CCDC12: variants seen among roughly 807,000 people sequenced by gnomAD.
CCDC12 encodes the protein coiled-coil domain-containing protein 12.
A neutral mutation model predicts 25.7 loss-of-function variants in CCDC12; 28 were observed. That is an observed-to-expected ratio of 1.09 (90% CI 0.81 to 1.50). CCDC12 has a LOEUF of 1.50. Among genes scored for constraint, CCDC12 ranks in the 40% most tolerant of loss-of-function variants. The pLI is 0.00. For synonymous variants in CCDC12, 75 were observed against 87.7 expected, an observed-to-expected ratio of 0.86 and a Z score of 0.81; for missense variants, 198 against 210.0, an observed-to-expected ratio of 0.94 and a Z score of 0.35.
chr3:46,953,594 G>A (rs1480744744), intron 1 of CCDC12, among the ~76,000 whole-genome samples: 2 of 151,598 alleles, frequency 1.3e-5, no homozygotes, highest in African/African-American at 4.9e-5. Flanking sequence ...AACCATGGCT[G>A]GCACTCAGGC....
Position 46,937,824 on chromosome 3 carries a change from A to G in CCDC12, c.164+3174T>C, listed in dbSNP as rs572496774. Among the ~76,000 whole-genome samples the G allele has an allele frequency of 3.3e-5, 5 of 152,326 alleles. No homozygotes were observed. The East Asian group carries it at 7.7e-4, about 24-fold the overall frequency. The stretch of plus-strand genomic sequence containing the variant: ...GGTCTGGCCCTGTGTTAGGCAACCA[A>G]TGTTCTAATCTGCCTTCCTAAATAA... On this transcript the variant is annotated intron_variant, in intron 2 of 6. Coordinates refer to ENST00000683445, the MANE Select transcript of CCDC12 (RefSeq NM_001277074.2).
At chr3:46,922,421 T>C in intron 5 of CCDC12, 109 bp from the exon 6 acceptor site, 1 of 1,205,346 alleles carries the variant, frequency 8.3e-7, no homozygotes, top group South Asian at 1.2e-5. Context: ...GCTCGGTTGC[T>C]GGAGGGGGCT....
At chr3:46,966,756 AG>A (rs1232574679) in intron 1 of CCDC12, among the ~76,000 whole-genome samples, 1 of 152,122 alleles carries the variant, frequency 6.6e-6, no homozygotes, top group African/African-American at 2.4e-5. Flanking sequence ...CTTAATTTAC[AG>A]GAAGGCTTTG....
chr3:46,940,838 G>A, intron 2 of CCDC12, 160 bp downstream of exon 2: 1 of 675,258 alleles, frequency 1.5e-6, no homozygotes, highest in Non-Finnish European at 2.7e-6. Flanking sequence ...AGGGCCTTCT[G>A]AGATGTTGAG....
chr3:46,951,432 T>C (rs1335442273), intron 1 of CCDC12, among the ~76,000 whole-genome samples: 1 of 151,974 alleles, frequency 6.6e-6, no homozygotes, highest in East Asian at 1.9e-4. Context: ...TGTAGAAACA[T>C]CACGTTGTAC....
At chr3:46,958,354 A>T (rs1360958506) in intron 1 of CCDC12, among the ~76,000 whole-genome samples, 1 of 152,206 alleles carries the variant, frequency 6.6e-6, no homozygotes, top group African/African-American at 2.4e-5. Flanking sequence ...AGACTAGAAG[A>T]AGTTAATCAT....
chr3:46,935,400 A>C (rs1345988457), intron 2 of CCDC12, among the ~76,000 whole-genome samples: 1 of 152,082 alleles, frequency 6.6e-6, no homozygotes, highest in Non-Finnish European at 1.5e-5. Context: ...CATCCATCCC[A>C]CAAGGCAGGG....
intron 1 of CCDC12, among the ~76,000 whole-genome samples, chr3:46,968,178 G>T (rs2034694032): frequency 1.3e-5 from 2 of 152,104 alleles, no homozygotes; most frequent in Admixed American, 6.5e-5. Flanking sequence ...TGAGAGCTTG[G>T]GCAGAAAAGC....
At chr3:46,944,700 C>T (rs1038880871) in intron 1 of CCDC12, among the ~76,000 whole-genome samples, 1 of 152,048 alleles carries the variant, frequency 6.6e-6, no homozygotes, top group Admixed American at 6.6e-5. Flanking sequence ...GCCTTCCCCT[C>T]TACTCTGGAG....
At chr3:46,957,688 T>C (rs572252682) in intron 1 of CCDC12, among the ~76,000 whole-genome samples, 75 of 152,254 alleles carry the variant, frequency 4.9e-4, no homozygotes, top group Admixed American at 2.7e-3. Context: ...ATGCCTGTAA[T>C]CCCAGCACTT....
At chr3:46,949,455 C>A (rs778164567) in intron 1 of CCDC12, among the ~76,000 whole-genome samples, 1 of 152,192 alleles carries the variant, frequency 6.6e-6, no homozygotes, top group East Asian at 1.9e-4. Context: ...CCAGACTGGA[C>A]GAGTTCCTCT....
chr3:46,922,068 C>T lies in CCDC12; in HGVS notation c.490G>A (p.Asp164Asn), dbSNP rs770776994. The change falls in exon 7 of 7, where the codon GAC (aspartate) becomes AAC (asparagine). Residue 164 changes from aspartate to asparagine, a missense_variant. Transcript: ENST00000683445. Reference protein sequence around the residue: ...VDAATEQKTCDSD With the variant: ...VDAATEQKTCNSD The stretch of plus-strand genomic sequence containing the variant: ...GGGCAGGGCATGCCTCAGTCGGAGT[C>T]ACAGGTCTTTTGTTCGGTGGCAGCA... 6.2e-7 allele frequency: 1 copy of T among 1,614,102 alleles called. No homozygotes were observed. Among genetic ancestry groups the T allele is most frequent in the East Asian group, 2.2e-5 (1 of 44,890 alleles).
upstream of CCDC12, chr3:46,979,840 AGGGCCGGAGCC>A: frequency 2.3e-6 from 1 of 430,156 alleles, no homozygotes; most frequent in Middle Eastern, 6.1e-4. Context: ...GGCGCGCAGC[AGGGCCGGAGCC>A]GGGCCGGGCC....
chr3:46,929,705 T>C (rs2033125205), intron 2 of CCDC12, among the ~76,000 whole-genome samples: 1 of 152,144 alleles, frequency 6.6e-6, no homozygotes, highest in Non-Finnish European at 1.5e-5. Context: ...TGACAGTGGT[T>C]ATCTCTAGGA....
At chr3:46,955,388 G>A (rs991402650) in intron 1 of CCDC12, among the ~76,000 whole-genome samples, 2 of 152,182 alleles carry the variant, frequency 1.3e-5, no homozygotes, top group Non-Finnish European at 2.9e-5. Context: ...GAGAGAAGCA[G>A]ACAGTGAACA....
chr3:46,975,248 C>T (rs982970742), intron 1 of CCDC12, among the ~76,000 whole-genome samples: 2 of 148,782 alleles, frequency 1.3e-5, no homozygotes, highest in East Asian at 2.0e-4. Flanking sequence ...TGCAGTGGCG[C>T]GATCTCGGCT....
At chr3:46,931,628 G>C (rs1477939741) in intron 2 of CCDC12, among the ~76,000 whole-genome samples, 6 of 123,622 alleles carry the variant, frequency 4.9e-5, no homozygotes, top group Non-Finnish European at 7.2e-5. Context: ...AGGCAGAGAG[G>C]ATAAGGACAG....
At chr3:46,922,450 G>A in intron 5 of CCDC12, 138 bp from the exon 6 acceptor site, 1 of 857,594 alleles carries the variant, frequency 1.2e-6, no homozygotes, top group South Asian at 1.5e-5. Context: ...GAAGAGGCCA[G>A]GACATTCCCC....
intron 2 of CCDC12, chr3:46,940,484 C>T (rs1171413845): frequency 6.5e-6 from 1 of 153,962 alleles, no homozygotes; most frequent in East Asian, 1.9e-4. Context: ...ATGTGAAGAC[C>T]CAGACATCAA....
Sources: gnomAD v4.1 joint callset for allele counts (sites outside exome capture counted in the v4.1 genomes callset) on GRCh38, gnomAD v4.1.1 for gene constraint, MANE v1.5 for transcripts, NCBI Gene and HGNC (gene_info 2026-07-23, HGNC 2026-07-21) for gene names.